Variants in BLTP1 observed in about 807,000 individuals in gnomAD.
BLTP1 encodes fragile site-associated protein.
chr4:122,281,499 G>A, the BLTP1 span: 1 of 1,528,742 alleles, frequency 6.5e-7, no homozygotes, highest in Non-Finnish European at 8.7e-7. Flanking sequence ...GGTACGTCCT[G>A]TGTTTATTTT....
the BLTP1 span, among the ~76,000 whole-genome samples, chr4:122,308,563 A>C: frequency 3.3e-5 from 5 of 152,102 alleles, no homozygotes; most frequent in Admixed American, 3.3e-4. Flanking sequence ...CCTGTAATAG[A>C]ATAGGGAATT....
At chr4:122,354,122 A>T in the BLTP1 span, 2 of 993,758 alleles carry the variant, frequency 2.0e-6, no homozygotes, top group Non-Finnish European at 3.0e-6. Context: ...ATTTCCTTAA[A>T]CAATTTTCAT....
At chr4:122,360,823 G>A in the BLTP1 span, among the ~76,000 whole-genome samples, 4 of 152,138 alleles carry the variant, frequency 2.6e-5, no homozygotes, top group Non-Finnish European at 5.9e-5. Context: ...AAATAATAAT[G>A]TATTTAAATT....
chr4:122,165,679 A>T, the BLTP1 span, among the ~76,000 whole-genome samples: 1 of 128,812 alleles, frequency 7.8e-6, no homozygotes, highest in Non-Finnish European at 1.7e-5. Context: ...ACTAGTTTAC[A>T]GTCTCACCAA....
the BLTP1 span, among the ~76,000 whole-genome samples, chr4:122,281,023 C>T: frequency 4.6e-5 from 7 of 152,134 alleles, no homozygotes; most frequent in Non-Finnish European, 1.0e-4. Flanking sequence ...CTAGTTTCAG[C>T]ACTCTAGCTA....
At chr4:122,201,773 A>C in the BLTP1 span, 1 of 635,294 alleles carries the variant, frequency 1.6e-6, no homozygotes, top group Non-Finnish European at 2.0e-6. Flanking sequence ...TGCCAGGGTC[A>C]GTTGGCTGTT....
chr4:122,210,067 A>G, the BLTP1 span: 5 of 1,335,540 alleles, frequency 3.7e-6, no homozygotes, highest in Non-Finnish European at 4.9e-6. Flanking sequence ...GATTAATTGT[A>G]GCTACCTTTT....
chr4:122,224,965 A>G, the BLTP1 span: 1 of 1,156,122 alleles, frequency 8.6e-7, no homozygotes, highest in Non-Finnish European at 1.1e-6. Flanking sequence ...GTACTTTTCT[A>G]GAAGTCATTA....
the BLTP1 span, chr4:122,282,132 G>A: frequency 1.0e-6 from 1 of 966,148 alleles, no homozygotes; most frequent in Non-Finnish European, 1.2e-6. Flanking sequence ...CAAATCAGGG[G>A]TCATTTGATT....
At chr4:122,299,496 A>G in the BLTP1 span, among the ~76,000 whole-genome samples, 4 of 152,228 alleles carry the variant, frequency 2.6e-5, no homozygotes, top group African/African-American at 9.6e-5. Context: ...TGGAAATAGC[A>G]TTGAAAAGTA....
At chr4:122,168,366 T>TAA in the BLTP1 span, among the ~76,000 whole-genome samples, 3 of 152,212 alleles carry the variant, frequency 2.0e-5, no homozygotes, top group African/African-American at 7.2e-5. Context: ...TTCCTTTTTA[T>TAA]GTGGAGACTT....
the BLTP1 span, chr4:122,325,420 T>C: frequency 7.1e-7 from 1 of 1,414,674 alleles, no homozygotes; most frequent in Non-Finnish European, 9.3e-7. Context: ...GATTTCTTAC[T>C]ATAATCAAAG....
chr4:122,352,363 T>G, the BLTP1 span, among the ~76,000 whole-genome samples: 3 of 147,146 alleles, frequency 2.0e-5, no homozygotes, highest in African/African-American at 7.5e-5. Context: ...TTCTTTTTTT[T>G]TTTTTTTTTT....
At chr4:122,227,894 G>A in the BLTP1 span, 1 of 143,764 alleles carries the variant, frequency 7.0e-6, no homozygotes, top group Admixed American at 7.0e-5. Context: ...TTTTTAACTT[G>A]AAGTTTTTAT....
chr4:122,156,055 G>A, the BLTP1 span: 1 of 754,022 alleles, frequency 1.3e-6, no homozygotes, highest in South Asian at 6.0e-5. Flanking sequence ...GTAGATTCTG[G>A]GGCCATTTAC....
chr4:122,310,376 T>C, the BLTP1 span, among the ~76,000 whole-genome samples: 4 of 152,130 alleles, frequency 2.6e-5, no homozygotes, highest in Non-Finnish European at 5.9e-5. Flanking sequence ...AAAAGACCAA[T>C]TAATGAGAGA....
At chr4:122,305,125 A>T in the BLTP1 span, 1 of 1,293,678 alleles carries the variant, frequency 7.7e-7, no homozygotes, top group Non-Finnish European at 9.9e-7. Flanking sequence ...ATTCAGTGAA[A>T]ACTCATTTAC....
chr4:122,207,752 G>T, the BLTP1 span: 1 of 1,066,586 alleles, frequency 9.4e-7, no homozygotes, highest in Non-Finnish European at 1.3e-6. Flanking sequence ...AGTATTTTTA[G>T]CTTTCCTCCA....
the BLTP1 span, chr4:122,235,148 T>A: frequency 1.1e-6 from 1 of 944,004 alleles, no homozygotes; most frequent in Non-Finnish European, 1.6e-6. Flanking sequence ...GAGTAGGGTT[T>A]AGTATAATCC....
Sources: gnomAD v4.1 joint callset for allele counts (sites outside exome capture counted in the v4.1 genomes callset) on GRCh38, gnomAD v4.1.1 for gene constraint, MANE v1.5 for transcripts, NCBI Gene and HGNC (gene_info 2026-07-23, HGNC 2026-07-21) for gene names.